PANK4: variants seen among roughly 807,000 people sequenced by gnomAD.
The protein encoded by PANK4 is pantothenate kinase 4 (inactive), also known as 4'-phosphopantetheine phosphatase.
In PANK4, 40 loss-of-function variants were observed where a neutral mutation model predicts 87.9. The observed-to-expected ratio is 0.46, with a 90% CI of 0.35 to 0.59. The LOEUF is 0.59. PANK4 is among the 20% of genes least tolerant of loss of function. PANK4 has a pLI of 0.00. For missense variants in PANK4, 926 were observed against 1,072.3 expected, an observed-to-expected ratio of 0.86 and a Z score of 1.90; for synonymous variants, 524 against 467.4, an observed-to-expected ratio of 1.12 and a Z score of -1.56.
At chr1:2,523,286 G>A (rs915802711) in intron 1 of PANK4, among the ~76,000 whole-genome samples, 4 of 152,126 alleles carry the variant, frequency 2.6e-5, no homozygotes, top group African/African-American at 9.7e-5. Context: ...ACAGTCTGGT[G>A]GACGCGTCAC....
chr1:2,517,432 C>A (rs1643800603), intron 9 of PANK4, among the ~76,000 whole-genome samples: 1 of 152,274 alleles, frequency 6.6e-6, no homozygotes, highest in African/African-American at 2.4e-5. Context: ...AGGGGTCCGA[C>A]TAGCTTTGTG....
rs1442573097 is a variant in PANK4, at chr1:2,521,784, C to A, written c.141G>T (p.Lys47Asn). 1.9e-6 allele frequency: 3 copies of A among 1,613,962 alleles called. No individual in the cohort carries two copies. Among genetic ancestry groups the A allele is most frequent in the Non-Finnish European group, 2.5e-6 (3 of 1,179,968 alleles). The change falls in exon 2 of 19, where the codon AAG becomes AAT. Residue 47 changes from lysine (K) to asparagine (N), a missense_variant. Transcript: ENST00000378466. ...GCTGTACCGTTGAATAGTAGGCCAG[C>A]TTGGTTAACGACCCGCCTGCAGGGG... ...FAIDIGGSLT[K>N]LAYYSTVQHK...
chr1:2,523,170 G>A (rs963202038), intron 1 of PANK4, among the ~76,000 whole-genome samples: 6 of 152,218 alleles, frequency 3.9e-5, no homozygotes, highest in Admixed American at 3.9e-4. Context: ...CAAGCAAACA[G>A]CCAATGCTGT....
rs143057783 is a variant in PANK4 at position 2,519,886 on chromosome 1, G to A, written c.768C>T (p.Asp256=). 9.8e-5 allele frequency: 153 copies of A among 1,567,006 alleles called. No individual in the cohort carries two copies. Among genetic ancestry groups the A allele is most frequent in the Non-Finnish European group, 1.1e-4 (124 of 1,156,100 alleles). Residue 256 remains aspartate (D), a synonymous_variant, in exon 6 of 19, where the codon GAC becomes GAT. Transcript: ENST00000378466. This position sits in a 1 kb window ranked among gnomAD's most constrained non-coding sequence, Gnocchi z 8.3. Reference sequence around the variant, plus strand: ...GAGTCTGGTGGGCGCCGCCGTAGACGTCCCGCACCAGCATGTCCACATTGC... The same window carrying A: ...GAGTCTGGTGGGCGCCGCCGTAGACATCCCGCACCAGCATGTCCACATTGC... ...QHSNVDMLVR[D]VYGGAHQTLG...
In PANK4 at chr1:2,511,365, G is replaced by A. The variant is rs957913718; in HGVS notation, c.1806C>T (p.Ser602=). 1.2e-6 allele frequency: 2 copies of A among 1,611,000 alleles called. No individual in the cohort carries two copies. The highest frequency in any genetic ancestry group is 2.7e-5 in the African/African-American group (2 of 74,874). ...KLQERPWLVD[S]YSEWLQRLKG... is the part of the protein sequence containing the mutation. Reference sequence around the variant, plus strand: ...TTAATCTCTGAAGCCACTCGCTGTAGGAATCCACGAGCCAGGGTCTTTCTG... The same window carrying A: ...TTAATCTCTGAAGCCACTCGCTGTAAGAATCCACGAGCCAGGGTCTTTCTG... Residue 602 remains serine, a synonymous_variant, in exon 15 of 19, where the codon TCC becomes TCT. Coordinates refer to ENST00000378466, the MANE Select transcript of PANK4 (RefSeq NM_018216.4).
intron 9 of PANK4, among the ~76,000 whole-genome samples, chr1:2,516,928 C>T (rs1363057721): frequency 2.6e-5 from 4 of 152,242 alleles, no homozygotes. Flanking sequence ...CAGTTTGATC[C>T]TCAGTAAGGT....
At chr1:2,513,863 C>A in intron 12 of PANK4, 139 bp downstream of exon 12, 1 of 732,006 alleles carries the variant, frequency 1.4e-6, no homozygotes, top group Non-Finnish European at 2.6e-6. Context: ...GGTGCCAGGG[C>A]TGGAGTTGGG....
chr1:2,513,984 AG>A lies in PANK4; in HGVS notation c.1575+17del. ...CGGGGACAAGAGCGAGCGGAAGGCC[AG>A]GGCACACTGCACTTACTTTGGAGTA... On this transcript the variant is annotated intron_variant, in intron 12 of 18. Coordinates refer to ENST00000378466, the MANE Select transcript of PANK4 (RefSeq NM_018216.4). 6.3e-7 allele frequency: 1 copy of A among 1,578,230 alleles called. No individual in the cohort carries two copies. The highest frequency in any genetic ancestry group is 8.7e-7 in the Non-Finnish European group (1 of 1,148,238).
rs1055129341 is a variant in PANK4, at chr1:2,510,658, C to G, written c.1938+20G>C. 2.1e-6 allele frequency: 3 copies of G among 1,437,664 alleles called. No individual in the cohort carries two copies. In the African/African-American group the frequency reaches 4.2e-5, roughly 20 times the overall value. The allele number at this position is 1,437,664 out of a possible 1,614,324, so 89.1% of individuals were successfully genotyped here. On this transcript the variant is annotated intron_variant, in intron 16 of 18. Transcript: ENST00000378466. This position sits in a 1 kb window ranked among gnomAD's most constrained non-coding sequence, Gnocchi z 4.9. ...AGAGAAGCCCAGGGGAAGGGCCCCA[C>G]CCACCACCTCAACACTCACCTCTGT...
chr1:2,518,488 G>A, intron 8 of PANK4, 28 bp downstream of exon 8: 1 of 1,536,820 alleles, frequency 6.5e-7, no homozygotes, highest in Non-Finnish European at 8.8e-7. Context: ...GCCCCACGCT[G>A]CTCAGGGGCG....
chr1:2,509,175 G>T lies in PANK4; in HGVS notation c.2109-115C>A. The T allele has an allele frequency of 1.2e-6, 1 of 812,904 alleles. No individual in the cohort carries two copies. Among genetic ancestry groups the T allele is most frequent in the Non-Finnish European group, 1.9e-6 (1 of 520,408 alleles). 50.4% of individuals were successfully genotyped at this position (812,904 alleles called of 1,614,324 possible). The stretch of plus-strand genomic sequence containing the variant: ...CCCCTACCGCTCAATTCCCTGATGT[G>T]GAGGCCTCCAAACCCAGCCTCCGCC... On this transcript the variant is annotated intron_variant, in intron 18 of 18. Transcript: ENST00000378466. The surrounding 1 kb of genome is among the most constrained non-coding windows in gnomAD (Gnocchi z 4.9).
chr1:2,520,729 G>A lies in PANK4; in HGVS notation c.600C>T (p.Ile200=), dbSNP rs773368451. 6.2e-6 allele frequency: 10 copies of A among 1,612,322 alleles called. No individual in the cohort carries two copies. In the East Asian group the frequency reaches 1.1e-4, roughly 18 times the overall value. Residue 200 remains isoleucine (I), a synonymous_variant, in exon 4 of 19, where the codon ATC becomes ATT. Coordinates refer to ENST00000378466, the MANE Select transcript of PANK4 (RefSeq NM_018216.4). The surrounding 1 kb of genome is among the most constrained non-coding windows in gnomAD (Gnocchi z 6.2). ...TCATGAAGCCGGGTCTTACCTTCAC[G>A]ATGGAGACTCCAGAGCCGATATTGA... is the stretch of plus-strand genomic sequence containing the variant. The part of the protein sequence containing the change: ...LLVNIGSGVS[I]VKVETEDRFE...
At chr1:2,511,708 AT>A in intron 13 of PANK4, 25 bp from the exon 14 acceptor site, 2 of 1,505,198 alleles carry the variant, frequency 1.3e-6, no homozygotes, top group Non-Finnish European at 9.2e-7. Flanking sequence ...AGAAAAGAAA[AT>A]TAAGACAACA....
chr1:2,516,384 C>A (rs374513627), intron 9 of PANK4, among the ~76,000 whole-genome samples: 1 of 152,350 alleles, frequency 6.6e-6, no homozygotes, highest in East Asian at 1.9e-4. Context: ...GGCGCGCTCA[C>A]GGGCCCTGCT....
chr1:2,516,824 A>G (rs1643789834), intron 9 of PANK4, among the ~76,000 whole-genome samples: 1 of 152,256 alleles, frequency 6.6e-6, no homozygotes, highest in South Asian at 2.1e-4. Flanking sequence ...GCCAGGTCGC[A>G]GGCTCCTTCT....
In PANK4 at chr1:2,520,974, T is replaced by TGGTCCGAAGGGGCAGCCATGCCC. The variant is rs1643870089; in HGVS notation, c.423-91_423-69dup. ...ACAGGTGCAACCATGCAAGCCTGCC[T>TGGTCCGAAGGGGCAGCCATGCCC]GGTCCGAAGGGGCAGCCATGCCCCA... On this transcript the variant is annotated intron_variant, in intron 3 of 18. Coordinates refer to ENST00000378466, the MANE Select transcript of PANK4 (RefSeq NM_018216.4). This position sits in a 1 kb window ranked among gnomAD's most constrained non-coding sequence, Gnocchi z 6.2. The TGGTCCGAAGGGGCAGCCATGCCC allele has an allele frequency of 5.2e-6, 8 of 1,531,158 alleles. No homozygotes were observed. The Admixed American group carries it at 1.5e-4, about 28-fold the overall frequency. 94.8% of individuals were successfully genotyped at this position (1,531,158 alleles called of 1,614,324 possible).
chr1:2,512,560 C>A, intron 13 of PANK4: 1 of 358,450 alleles, frequency 2.8e-6, no homozygotes, highest in Non-Finnish European at 5.1e-6. Context: ...ATGTTTAATT[C>A]CTACCACACA....
chr1:2,508,783 C>T lies in PANK4; in HGVS notation c.*64G>A, dbSNP rs574699573. The T allele has an allele frequency of 2.0e-6, 2 of 984,838 alleles. No individual in the cohort carries two copies. Among genetic ancestry groups the T allele is most frequent in the East Asian group, 2.6e-5 (1 of 38,510 alleles). The allele number at this position is 984,838 out of a possible 1,614,324, so 61.0% of individuals were successfully genotyped here. On this transcript the variant is annotated 3_prime_UTR_variant, in exon 19 of 19. Coordinates refer to ENST00000378466, the MANE Select transcript of PANK4 (RefSeq NM_018216.4). The surrounding 1 kb of genome is among the most constrained non-coding windows in gnomAD (Gnocchi z 5.1). Reference sequence around the variant, plus strand: ...AATACGTTGATTTGAACGCAGTTTCCCTGTGGTGGTAAAAACACATTCCTG... The same window carrying T: ...AATACGTTGATTTGAACGCAGTTTCTCTGTGGTGGTAAAAACACATTCCTG...
chr1:2,510,758 T>G lies in PANK4; in HGVS notation c.1858A>C (p.Ile620Leu), dbSNP rs747676867. ...TCTATTCCACTGTTATCTGCGAAAA[T>G]TAAGGCACATTTATGAGGGGGCCCC... is the stretch of plus-strand genomic sequence containing the variant. ...LKGPPHKCAL[I>L]FADNSGIDII... The change falls in exon 16 of 19, where the codon ATT becomes CTT. Residue 620 changes from isoleucine to leucine, a missense_variant. Transcript: ENST00000378466. This position sits in a 1 kb window ranked among gnomAD's most constrained non-coding sequence, Gnocchi z 4.9. 1.6e-5 allele frequency: 26 copies of G among 1,612,060 alleles called. No individual in the cohort carries two copies. Among genetic ancestry groups the G allele is most frequent in the Non-Finnish European group, 2.2e-5 (26 of 1,178,836 alleles).
Sources: gnomAD v4.1 joint callset for allele counts (sites outside exome capture counted in the v4.1 genomes callset) on GRCh38, gnomAD v4.1.1 for gene constraint, Gnocchi (gnomAD v3.1) non-coding constraint, MANE v1.5 for transcripts, NCBI Gene and HGNC (gene_info 2026-07-23, HGNC 2026-07-21) for gene names.